AIG1: variants seen among roughly 807,000 people sequenced by gnomAD.
AIG1 encodes the protein androgen-induced gene 1 protein.
Under a neutral mutation model 31.4 loss-of-function variants are expected in AIG1, and 23 were observed. That is an observed-to-expected ratio of 0.73 (90% confidence interval 0.53 to 1.04). The LOEUF is 1.04. Ranked by LOEUF, AIG1 falls within the 50% of genes least tolerant of loss-of-function variation. The pLI, the probability that AIG1 is intolerant of heterozygous loss-of-function variation, is 0.00. For synonymous variants in AIG1, 100 were observed against 110.5 expected (o/e 0.90, Z 0.60); for missense variants, 274 against 295.0 (o/e 0.93, Z 0.52).
At position 143,072,766 on chromosome 6, in the gene AIG1, A is replaced by C. The variant is rs145229076; in HGVS notation, c.141+11700A>C. On this transcript the variant is annotated intron_variant, in intron 1 of 5. Transcript: ENST00000357847. ...AAATAAATTTCATTGTGTGTATTTAAGGTATACAACATGATGTTATGGGAT... is the reference window on the plus strand; with the variant it reads ...AAATAAATTTCATTGTGTGTATTTACGGTATACAACATGATGTTATGGGAT... Among the ~76,000 whole-genome samples the C allele has an allele frequency of 6.4e-3, 969 of 152,330 alleles. 17 individuals carry two copies. The highest frequency in any genetic ancestry group is 0.02 in the African/African-American group (824 of 41,564).
intron 2 of AIG1, among the ~76,000 whole-genome samples, chr6:143,157,279 T>C (rs936454848): frequency 6.6e-6 from 1 of 152,228 alleles, no homozygotes; most frequent in Non-Finnish European, 1.5e-5. Context: ...CGGGCCAGGC[T>C]CCTCTGGCTT....
chr6:143,140,950 C>T (rs964185345), intron 2 of AIG1, among the ~76,000 whole-genome samples: 6 of 152,178 alleles, frequency 3.9e-5, no homozygotes, highest in African/African-American at 1.4e-4. Context: ...GCTCTACCAC[C>T]CTGACTGCTG....
intron 3 of AIG1, chr6:143,189,416 A>T: frequency 1.0e-6 from 1 of 980,678 alleles, no homozygotes; most frequent in Non-Finnish European, 1.2e-6. Flanking sequence ...TTATTTTAAG[A>T]ATAGTAAAGT....
chr6:143,287,609 C>T (rs57774692), intron 4 of AIG1, among the ~76,000 whole-genome samples: 1 of 151,972 alleles, frequency 6.6e-6, no homozygotes, highest in Non-Finnish European at 1.5e-5. Flanking sequence ...AGGCCACTTT[C>T]TGGGTTGGAA....
rs115165047 is a variant in AIG1, at chr6:143,284,182, G to C, written c.472G>C (p.Gly158Arg). ...CCATCAGTATCCCAGCAGGAGCAGC[G>C]GACTTACCGCCATATGTACCTTCTC... ...SHHQYPSRSSGLTAICTFSVG... is the reference protein window; with the variant it reads ...SHHQYPSRSSRLTAICTFSVG... Residue 158 changes from glycine (G) to arginine (R), a missense_variant, in exon 4 of 6, where the codon GGA becomes CGA. By Grantham distance (125) the Gly-to-Arg change is moderately radical (BLOSUM62 -2). Coordinates refer to ENST00000357847, the MANE Select transcript of AIG1 (RefSeq NM_016108.4). This position sits in a 1 kb window ranked among gnomAD's most constrained non-coding sequence, Gnocchi z 4.4. 7 of 1,613,976 alleles carry C rather than the reference G, an allele frequency of 4.3e-6. No homozygotes were observed. The East Asian group carries it at 1.6e-4, about 36-fold the overall frequency.
chr6:143,160,216 A>G (rs1386601930), intron 2 of AIG1, among the ~76,000 whole-genome samples: 2 of 152,110 alleles, frequency 1.3e-5, no homozygotes, highest in Non-Finnish European at 2.9e-5. Flanking sequence ...AGCCTTCTTC[A>G]TGGCGAATTT....
intron 3 of AIG1, among the ~76,000 whole-genome samples, chr6:143,261,931 T>C (rs1795805817): frequency 6.6e-6 from 1 of 152,376 alleles, no homozygotes; most frequent in Middle Eastern, 3.4e-3. Flanking sequence ...AAAAAGCTAA[T>C]GGTTAGTTTA....
intron 4 of AIG1, among the ~76,000 whole-genome samples, chr6:143,320,280 G>T (rs1776104068): frequency 6.6e-6 from 1 of 152,186 alleles, no homozygotes; most frequent in African/African-American, 2.4e-5. Flanking sequence ...ATGTTAATTG[G>T]TGCAGCCATT....
chr6:143,319,462 TG>T (rs745635769), intron 4 of AIG1, among the ~76,000 whole-genome samples: 3 of 152,104 alleles, frequency 2.0e-5, no homozygotes, highest in Non-Finnish European at 4.4e-5. Flanking sequence ...CAGTGGACTA[TG>T]GGGACTCCAG....
At chr6:143,243,532 T>A (rs889113728) in intron 3 of AIG1, among the ~76,000 whole-genome samples, 3 of 152,212 alleles carry the variant, frequency 2.0e-5, no homozygotes, top group Non-Finnish European at 2.9e-5. Context: ...TATCATAGAC[T>A]ACAAAATGCC....
chr6:143,078,265 C>A (rs1405908695), intron 1 of AIG1, among the ~76,000 whole-genome samples: 1 of 152,152 alleles, frequency 6.6e-6, no homozygotes, highest in Non-Finnish European at 1.5e-5. Flanking sequence ...ATCTTTCATT[C>A]ATTTTAACAG....
intron 3 of AIG1, among the ~76,000 whole-genome samples, chr6:143,213,200 T>C (rs1372884683): frequency 6.6e-6 from 1 of 152,222 alleles, no homozygotes; most frequent in Non-Finnish European, 1.5e-5. Flanking sequence ...ATTGTATGTG[T>C]TTAGTTACAT....
chr6:143,181,899 A>G (rs1034095957), intron 3 of AIG1, among the ~76,000 whole-genome samples: 13 of 152,220 alleles, frequency 8.5e-5, no homozygotes, highest in African/African-American at 2.9e-4. Context: ...AAAGAGGGTT[A>G]AAAATGTTCT....
chr6:143,072,624 T>G (rs190440226), intron 1 of AIG1, among the ~76,000 whole-genome samples: 1 of 152,254 alleles, frequency 6.6e-6, no homozygotes, highest in Admixed American at 6.5e-5. Flanking sequence ...TTGAGTAAGT[T>G]TCTTTCTATT....
intron 4 of AIG1, among the ~76,000 whole-genome samples, chr6:143,319,710 C>T (rs1776049454): frequency 6.6e-6 from 1 of 151,900 alleles, no homozygotes; most frequent in African/African-American, 2.4e-5. Context: ...CAACAAGCCC[C>T]TAGCTAGATT....
At chr6:143,152,713 A>G (rs1282821479) in intron 2 of AIG1, among the ~76,000 whole-genome samples, 1 of 152,224 alleles carries the variant, frequency 6.6e-6, no homozygotes. Flanking sequence ...TGTGTGAGGC[A>G]TAAGACCACC....
At chr6:143,306,506 A>T in intron 4 of AIG1, among the ~76,000 whole-genome samples, 1 of 152,046 alleles carries the variant, frequency 6.6e-6, no homozygotes, top group Non-Finnish European at 1.5e-5. Context: ...GCTGGATATG[A>T]AATTCTGGGT....
chr6:143,102,131 A>G (rs910224350), intron 1 of AIG1, among the ~76,000 whole-genome samples: 3 of 152,126 alleles, frequency 2.0e-5, no homozygotes, highest in African/African-American at 7.2e-5. Context: ...AACTTAAAAT[A>G]TAAATATTTT....
At chr6:143,337,875 T>C (rs6901152) in intron 5 of AIG1, 268,560 of 397,918 alleles carry the variant, frequency 0.67, 95,097 homozygotes, top group East Asian at 1. Context: ...TATCCTGCCT[T>C]CGCTTTGCGA....
Sources: allele counts gnomAD v4.1 joint callset (sites outside exome capture counted in the v4.1 genomes callset), GRCh38; gene constraint gnomAD v4.1.1; non-coding constraint Gnocchi (gnomAD v3.1); transcripts MANE v1.5; gene names NCBI Gene and HGNC (gene_info 2026-07-23, HGNC 2026-07-21).